The following ACTR3 variants were observed in gnomAD, a reference collection of about 807,000 sequenced individuals.
The protein encoded by ACTR3 is actin related protein 3, also known as actin-related protein 3.
In ACTR3, 12 loss-of-function variants were observed where a neutral mutation model predicts 56.8. The observed-to-expected ratio is 0.21, with a 90% CI of 0.14 to 0.34. ACTR3 has a LOEUF of 0.34. ACTR3 is among the 10% of genes least tolerant of loss of function. ACTR3 has a pLI of 1.00. For synonymous variants in ACTR3, 162 were observed against 167.4 expected (o/e 0.97, Z 0.25); for missense variants, 282 against 512.5 (o/e 0.55, Z 4.34).
rs887217066 is a variant in ACTR3, at chr2:113,962,019, G to C, written c.*4564G>C. On this transcript the variant is annotated 3_prime_UTR_variant, in exon 12 of 12. Transcript: ENST00000263238. ...ATATTGCTTGGCATATAGTAGTTTAGTGGATGTGTTTGATGAATGAATGAG... is the reference window on the plus strand; with the variant it reads ...ATATTGCTTGGCATATAGTAGTTTACTGGATGTGTTTGATGAATGAATGAG... The C allele has an allele frequency of 1.3e-5, 2 of 151,956 alleles. No individual in the cohort carries two copies. Among genetic ancestry groups the C allele is most frequent in the Non-Finnish European group, 2.9e-5 (2 of 67,906 alleles). 9.4% of individuals were successfully genotyped at this position (151,956 alleles called of 1,614,324 possible).
intron 6 of ACTR3, among the ~76,000 whole-genome samples, chr2:113,939,354 T>C (rs1679885585): frequency 6.6e-6 from 1 of 152,226 alleles, no homozygotes; most frequent in Non-Finnish European, 1.5e-5. Context: ...TTGTCCTGTT[T>C]TCTCTTTAAA....
At chr2:113,953,374 A>G (rs1327348941) in intron 10 of ACTR3, 1 of 152,158 alleles carries the variant, frequency 6.6e-6, no homozygotes, top group Admixed American at 6.6e-5. Flanking sequence ...CTGGTTCAAC[A>G]TCCTTAATCC....
intron 1 of ACTR3, among the ~76,000 whole-genome samples, chr2:113,891,108 C>CA (rs1678885868): frequency 6.6e-6 from 1 of 152,132 alleles, no homozygotes; most frequent in South Asian, 2.1e-4. Flanking sequence ...TTTTAGTTTC[C>CA]AACCTGAGCA....
At chr2:113,942,621 G>A (rs1679944606) in intron 8 of ACTR3, among the ~76,000 whole-genome samples, 1 of 151,944 alleles carries the variant, frequency 6.6e-6, no homozygotes, top group Admixed American at 6.6e-5. Flanking sequence ...ATGAAAAGAG[G>A]AGAGCCCTTA....
chr2:113,948,421 A>T (rs548349851), intron 8 of ACTR3, among the ~76,000 whole-genome samples: 1 of 152,162 alleles, frequency 6.6e-6, no homozygotes, highest in African/African-American at 2.4e-5. Context: ...AAGCGCTGGG[A>T]TTATAGGAAT....
chr2:113,904,435 G>A (rs976417023), intron 1 of ACTR3: 1 of 152,086 alleles, frequency 6.6e-6, no homozygotes, highest in Admixed American at 6.5e-5. Flanking sequence ...TGTTTTCCTG[G>A]TTCTTCCTAT....
chr2:113,961,009 A>T lies in ACTR3; in HGVS notation c.*3554A>T, dbSNP rs1680315715. Reference sequence around the variant, plus strand: ...TTGACAGTAAATACCTTGTTCTTGTATTAGGTCTATATCCTGAATTGACCT... The same window carrying T: ...TTGACAGTAAATACCTTGTTCTTGTTTTAGGTCTATATCCTGAATTGACCT... On this transcript the variant is annotated 3_prime_UTR_variant, in exon 12 of 12. Coordinates refer to ENST00000263238, the MANE Select transcript of ACTR3 (RefSeq NM_005721.5). 1 of 152,038 alleles carries T rather than the reference A, an allele frequency of 6.6e-6. No homozygotes were observed. The highest frequency in any genetic ancestry group is 2.1e-4 in the South Asian group (1 of 4,830). 9.4% of individuals were successfully genotyped at this position (152,038 alleles called of 1,614,324 possible).
At chr2:113,906,119 A>G (rs1293368939) in intron 1 of ACTR3, among the ~76,000 whole-genome samples, 2 of 152,232 alleles carry the variant, frequency 1.3e-5, no homozygotes. Context: ...CCAGCATTGC[A>G]CAAGGGTTTC....
chr2:113,951,172 T>C (rs770373547), intron 8 of ACTR3: 11 of 184,156 alleles, frequency 6.0e-5, no homozygotes, highest in East Asian at 1.4e-4. Flanking sequence ...TTATTCTCCA[T>C]AGTGGTTACA....
intron 4 of ACTR3, among the ~76,000 whole-genome samples, chr2:113,928,026 ATT>A (rs35715683): frequency 1.3e-5 from 2 of 150,328 alleles, no homozygotes; most frequent in African/African-American, 4.9e-5. Flanking sequence ...TTTATTTAAC[ATT>A]TTTTTTTTAT....
chr2:113,933,142 T>C (rs2104610891), intron 5 of ACTR3, among the ~76,000 whole-genome samples: 1 of 152,306 alleles, frequency 6.6e-6, no homozygotes, highest in South Asian at 2.1e-4. Flanking sequence ...CATAATTAAA[T>C]CATAGTAGTA....
chr2:113,940,030 T>G lies in ACTR3; in HGVS notation c.612T>G (p.Ile204Met), dbSNP rs1034294691. The G allele has an allele frequency of 6.2e-7, 1 of 1,613,512 alleles. No homozygotes were observed. Among genetic ancestry groups the G allele is most frequent in the Non-Finnish European group, 8.5e-7 (1 of 1,179,628 alleles). ...PIAGRDITYFIQQLLRDREVG... is the reference protein window; with the variant it reads ...PIAGRDITYFMQQLLRDREVG... ...CAGGACGAGATATAACATATTTTATTCAGCAACTGCTGAGAGACCGAGAAG... is the reference window on the plus strand; with the variant it reads ...CAGGACGAGATATAACATATTTTATGCAGCAACTGCTGAGAGACCGAGAAG... Residue 204 changes from isoleucine to methionine, a missense_variant, in exon 7 of 12, where the codon ATT (isoleucine) becomes ATG (methionine). Transcript: ENST00000263238.
intron 8 of ACTR3, among the ~76,000 whole-genome samples, chr2:113,943,819 T>C (rs1053415577): frequency 1.3e-5 from 2 of 152,086 alleles, no homozygotes; most frequent in Non-Finnish European, 2.9e-5. Flanking sequence ...TTTTAAAAGG[T>C]TCAAAAACAA....
At chr2:113,945,625 T>G (rs11680166) in intron 8 of ACTR3, among the ~76,000 whole-genome samples, 8,335 of 152,320 alleles carry the variant, frequency 0.055, 317 homozygotes, top group Non-Finnish European at 0.084. Flanking sequence ...TTTCACCTTG[T>G]TTATTCATTT....
intron 8 of ACTR3, among the ~76,000 whole-genome samples, chr2:113,945,775 C>T (rs190299908): frequency 6.6e-6 from 1 of 152,172 alleles, no homozygotes; most frequent in East Asian, 1.9e-4. Context: ...GCTATGTTTC[C>T]TGATCCTCTC....
intron 4 of ACTR3, 70 bp from the exon 5 acceptor site, chr2:113,931,231 T>C: frequency 1.1e-6 from 1 of 920,108 alleles, no homozygotes; most frequent in Non-Finnish European, 1.6e-6. Flanking sequence ...TACTTCTCAT[T>C]TAAAAATTGT....
chr2:113,909,617 TGTTG>T (rs1362241720), intron 1 of ACTR3, among the ~76,000 whole-genome samples: 172 of 149,144 alleles, frequency 1.2e-3, no homozygotes, highest in African/African-American at 4.1e-3. Flanking sequence ...TTGTTGTTGT[TGTTG>T]TTTTTTTTTT....
At chr2:113,937,550 A>G (rs900127815) in intron 6 of ACTR3, among the ~76,000 whole-genome samples, 3 of 152,226 alleles carry the variant, frequency 2.0e-5, no homozygotes, top group Admixed American at 6.5e-5. Flanking sequence ...CTGGCTTTGA[A>G]TTCTTTCAAC....
intron 5 of ACTR3, among the ~76,000 whole-genome samples, chr2:113,933,677 A>ATTTTTTTTTT (rs1167918809): frequency 8.1e-6 from 1 of 123,810 alleles, no homozygotes; most frequent in African/African-American, 3.5e-5. Flanking sequence ...GTTCTATACA[A>ATTTTTTTTTT]TTTTTTTTTT....
Sources: gnomAD v4.1 joint callset for allele counts (sites outside exome capture counted in the v4.1 genomes callset) on GRCh38, gnomAD v4.1.1 for gene constraint, MANE v1.5 for transcripts, NCBI Gene and HGNC (gene_info 2026-07-23, HGNC 2026-07-21) for gene names.